The following PTCH1 variants were observed in gnomAD, a reference collection of about 807,000 sequenced individuals.
The protein encoded by PTCH1 is patched 1, also known as protein patched homolog 1.
In PTCH1, 14 loss-of-function variants were observed where a neutral mutation model predicts 144.6. That is an observed-to-expected ratio of 0.10 (90% confidence interval 0.06 to 0.15). PTCH1 has a LOEUF of 0.15. Among genes scored for constraint, PTCH1 ranks in the 10% least tolerant of loss-of-function variants. The pLI, the probability that PTCH1 is intolerant of heterozygous loss-of-function variation, is 1.00. For synonymous variants in PTCH1, 833 were observed against 793.6 expected (o/e 1.05, Z -0.83); for missense variants, 1,623 against 1,948.3 (o/e 0.83, Z 3.14).
At chr9:95,506,656 A>ACGCCCGCTTGCGAGCACC in intron 1 of PTCH1, 57 bp from the exon 2 acceptor site, 1 of 1,452,890 alleles carries the variant, frequency 6.9e-7, no homozygotes, top group Non-Finnish European at 9.2e-7. Flanking sequence ...CCGCGCGCCC[A>ACGCCCGCTTGCGAGCACC]CGCCCGCTTG....
chr9:95,474,380 G>A (rs1840855944), intron 12 of PTCH1, among the ~76,000 whole-genome samples: 2 of 152,096 alleles, frequency 1.3e-5, no homozygotes, highest in African/African-American at 4.8e-5. Flanking sequence ...TGCGCACAAA[G>A]GCATTCTACA....
chr9:95,491,063 G>C (rs1324723020), intron 2 of PTCH1, among the ~76,000 whole-genome samples: 1 of 152,090 alleles, frequency 6.6e-6, no homozygotes, highest in Non-Finnish European at 1.5e-5. Context: ...ATATTCTGAA[G>C]TCCTTTTATA....
Position 95,508,686 on chromosome 9 carries a change from C to G in PTCH1, c.-325G>C. ...CGCGGAAGAGCGAGAGCCGGCGCGC[C>G]GAGCGAGCCTGTCCTTCGGGCGCTT... On this transcript the variant is annotated 5_prime_UTR_variant, in exon 1 of 24. Transcript: ENST00000331920. 1 of 987,290 alleles carries G rather than the reference C, an allele frequency of 1.0e-6. No individual in the cohort carries two copies. Among genetic ancestry groups the G allele is most frequent in the Non-Finnish European group, 1.2e-6 (1 of 831,316 alleles). The allele number at this position is 987,290 out of a possible 1,614,324, so 61.2% of individuals were successfully genotyped here. A position where few individuals can be genotyped will look rare whatever the true frequency, so the allele number is the denominator to read the frequency against.
upstream of PTCH1, among the ~76,000 whole-genome samples, chr9:95,510,129 AAG>A (rs937079104): frequency 1.3e-5 from 2 of 151,610 alleles, no homozygotes; most frequent in African/African-American, 4.9e-5. Context: ...ACATAAGTAA[AAG>A]AGAAACAACA....
chr9:95,511,262 G>T (rs1587705949), upstream of PTCH1, among the ~76,000 whole-genome samples: 1 of 148,988 alleles, frequency 6.7e-6, no homozygotes, highest in Admixed American at 6.7e-5. Context: ...TCCCCTCCCC[G>T]CTTCCTTCCT....
intron 2 of PTCH1, among the ~76,000 whole-genome samples, chr9:95,486,130 T>C (rs1346520688): frequency 6.6e-6 from 1 of 151,120 alleles, no homozygotes; most frequent in Non-Finnish European, 1.5e-5. Context: ...ACTAATACAC[T>C]GTGTGACGAA....
At chr9:95,466,529 C>T (rs966021680) in intron 15 of PTCH1, among the ~76,000 whole-genome samples, 1 of 152,040 alleles carries the variant, frequency 6.6e-6, no homozygotes, top group Admixed American at 6.6e-5. Context: ...CCCTCTGGTG[C>T]GGGATGTTTA....
At chr9:95,488,848 G>A (rs1842178288) in intron 2 of PTCH1, among the ~76,000 whole-genome samples, 1 of 152,216 alleles carries the variant, frequency 6.6e-6, no homozygotes, top group African/African-American at 2.4e-5. Context: ...AGACCTAAAG[G>A]GAAACAACAT....
rs915267405 is a variant in PTCH1 at position 95,449,010 on chromosome 9, C to T, written c.3804+59G>A. ...CAGCAGACAGGAGCCCCCGCTGGAC[C>T]TCCAGGCCCACTACCACGGTGGGAA... On this transcript the variant is annotated intron_variant, in intron 22 of 23. Coordinates refer to ENST00000331920, the MANE Select transcript of PTCH1 (RefSeq NM_000264.5). The surrounding 1 kb of genome is among the most constrained non-coding windows in gnomAD (Gnocchi z 5.3). The T allele has an allele frequency of 5.0e-6, 8 of 1,608,978 alleles. No homozygotes were observed. The African/African-American group carries it at 9.4e-5, about 19-fold the overall frequency.
chr9:95,453,644 G>T (rs867680977), intron 19 of PTCH1, 24 bp from the exon 20 acceptor site: 1 of 1,612,598 alleles, frequency 6.2e-7, no homozygotes, highest in Middle Eastern at 1.6e-4. Context: ...ATGTTCACAA[G>T]ATCAGGTTGC....
In PTCH1 at chr9:95,481,935, G is replaced by A; in HGVS notation, c.746+14C>T. On this transcript the variant is annotated intron_variant, in intron 5 of 23. Coordinates refer to ENST00000331920, the MANE Select transcript of PTCH1 (RefSeq NM_000264.5). ...AGAAGTCACAGACATCAGAAAGCAT[G>A]ATCACACACTTACAGGAGGTATGCT... 6.3e-7 allele frequency: 1 copy of A among 1,590,552 alleles called. No homozygotes were observed. Among genetic ancestry groups the A allele is most frequent in the Non-Finnish European group, 8.6e-7 (1 of 1,158,636 alleles).
rs1841407046 is a variant in PTCH1 at position 95,480,037 on chromosome 9, C to T, written c.999G>A (p.Lys333=). 4 of 1,614,060 alleles carry T rather than the reference C, an allele frequency of 2.5e-6. No individual in the cohort carries two copies. The East Asian group carries it at 8.9e-5, about 36-fold the overall frequency. Residue 333 remains lysine, a synonymous_variant, in exon 7 of 24, where the codon AAG becomes AAA. Coordinates refer to ENST00000331920, the MANE Select transcript of PTCH1 (RefSeq NM_000264.5). ...TCAACTCCTCCTGCCAGTGCATATA[C>T]TTTCTGGATAAGCCATGACATCCAC... ...LNGGCHGLSR[K]YMHWQEELIV... is the part of the protein sequence containing the mutation.
At chr9:95,507,114 G>A in intron 1 of PTCH1, 1 of 982,908 alleles carries the variant, frequency 1.0e-6, no homozygotes, top group Non-Finnish European at 1.2e-6. Flanking sequence ...ATGGTAGTAA[G>A]TGGGGATCCA....
At position 95,508,268 on chromosome 9, in the gene PTCH1, T is replaced by C. The variant is rs913603578; in HGVS notation, c.94A>G (p.Arg32Gly). 6.3e-7 allele frequency: 1 copy of C among 1,575,272 alleles called. No individual in the cohort carries two copies. The highest frequency in any genetic ancestry group is 8.6e-7 in the Non-Finnish European group (1 of 1,164,322). The change falls in exon 1 of 24, where the codon AGG (arginine) becomes GGG (glycine). Residue 32 changes from arginine to glycine, a missense_variant. By Grantham distance (125) the Arg-to-Gly change is moderately radical. Transcript: ENST00000331920. Reference protein sequence around the residue: ...GAPGRPAGGGRRRRTGGLRRA... With the variant: ...GAPGRPAGGGGRRRTGGLRRA... Reference sequence around the variant, plus strand: ...CGCAGCCCCCCCGTCCGTCTGCGCCTCCCGCCTCCAGCCGGCCGTCCCGGG... The same window carrying C: ...CGCAGCCCCCCCGTCCGTCTGCGCCCCCCGCCTCCAGCCGGCCGTCCCGGG...
At chr9:95,511,929 C>G (rs1054821778), upstream of PTCH1, among the ~76,000 whole-genome samples, 2 of 152,158 alleles carry the variant, frequency 1.3e-5, no homozygotes, top group African/African-American at 2.4e-5. Flanking sequence ...GCCAAAGACA[C>G]GTTGCTATGT....
chr9:95,513,746 C>T (rs1043810473), upstream of PTCH1, among the ~76,000 whole-genome samples: 6 of 152,236 alleles, frequency 3.9e-5, no homozygotes, highest in East Asian at 1.2e-3. Flanking sequence ...GATTCAGCAG[C>T]TACAAAATTT....
At chr9:95,456,706 C>T (rs1280828033) in intron 18 of PTCH1, among the ~76,000 whole-genome samples, 6 of 152,146 alleles carry the variant, frequency 3.9e-5, no homozygotes, top group Admixed American at 1.3e-4. Context: ...ACAACTCCAC[C>T]AGCGCAATCC....
rs760285524 is a variant in PTCH1, at chr9:95,468,808, T to A, written c.2193A>T (p.Thr731=). The A allele has an allele frequency of 7.4e-6, 12 of 1,614,098 alleles. No individual in the cohort carries two copies. The highest frequency in any genetic ancestry group is 1.0e-5 in the Non-Finnish European group (12 of 1,180,008). ...AGTGCTTCTCAGCAAAAGATGAGAG[T>A]GTCCACTTCGTACAGGGGGGCTCGA... ...HCLEPPCTKW[T]LSSFAEKHYA... The change falls in exon 14 of 24, where the codon ACA becomes ACT. Residue 731 remains threonine (T), a synonymous_variant. Transcript: ENST00000331920.
At chr9:95,464,759 G>A (rs1338047955) in intron 15 of PTCH1, among the ~76,000 whole-genome samples, 1 of 152,090 alleles carries the variant, frequency 6.6e-6, no homozygotes, top group Non-Finnish European at 1.5e-5. Context: ...AGTTTTAATG[G>A]GAATTCCATT....
Sources: allele counts gnomAD v4.1 joint callset (sites outside exome capture counted in the v4.1 genomes callset), GRCh38; gene constraint gnomAD v4.1.1; non-coding constraint Gnocchi (gnomAD v3.1); transcripts MANE v1.5; gene names NCBI Gene and HGNC (gene_info 2026-07-23, HGNC 2026-07-21).